ULK4: variants seen among roughly 807,000 people sequenced by gnomAD.
The protein encoded by ULK4 is unc-51 like kinase 4.
A neutral mutation model predicts 160.6 loss-of-function variants in ULK4; 133 were observed. The ratio of observed to expected loss-of-function variants is 0.83; its 90% CI spans 0.72 to 0.96. The LOEUF is 0.96. ULK4 is among the 40% of genes least tolerant of loss of function. The pLI is 0.00. For synonymous variants in ULK4, 534 were observed against 539.8 expected, an observed-to-expected ratio of 0.99 and a Z score of 0.15; for missense variants, 1,580 against 1,499.5, an observed-to-expected ratio of 1.05 and a Z score of -0.89.
At chr3:41,668,445 C>T (rs1240353576) in intron 29 of ULK4, among the ~76,000 whole-genome samples, 2 of 151,996 alleles carry the variant, frequency 1.3e-5, no homozygotes, top group Non-Finnish European at 2.9e-5. Context: ...AAAATCTTAC[C>T]ATTGTGTTAC....
intron 25 of ULK4, among the ~76,000 whole-genome samples, chr3:41,707,632 G>C (rs1043332060): frequency 3.3e-5 from 5 of 152,044 alleles, no homozygotes; most frequent in African/African-American, 1.2e-4. Context: ...AGGAGTTTGA[G>C]ACCAGCTTGG....
intron 30 of ULK4, among the ~76,000 whole-genome samples, chr3:41,625,808 G>A (rs2033479136): frequency 6.6e-6 from 1 of 152,166 alleles, no homozygotes; most frequent in Admixed American, 6.5e-5. Flanking sequence ...GAAGTGAAGA[G>A]ATTTACCTAA....
chr3:41,818,473 C>A (rs2041040125), intron 19 of ULK4, among the ~76,000 whole-genome samples: 1 of 152,162 alleles, frequency 6.6e-6, no homozygotes, highest in African/African-American at 2.4e-5. Context: ...GAATGTTAAA[C>A]CCAAACACGT....
At chr3:41,499,101 T>C (rs555513896) in intron 32 of ULK4, among the ~76,000 whole-genome samples, 13 of 152,334 alleles carry the variant, frequency 8.5e-5, no homozygotes, top group African/African-American at 2.9e-4. Flanking sequence ...ATTCCACTTA[T>C]ATGAAATGTC....
At chr3:41,438,614 T>G (rs2125854031) in intron 34 of ULK4, among the ~76,000 whole-genome samples, 1 of 152,138 alleles carries the variant, frequency 6.6e-6, no homozygotes, top group Non-Finnish European at 1.5e-5. Context: ...ACCAGCAGTT[T>G]GAGACCAGCC....
At chr3:41,898,823 G>A (rs1698254883) in intron 13 of ULK4, among the ~76,000 whole-genome samples, 1 of 152,188 alleles carries the variant, frequency 6.6e-6, no homozygotes, top group South Asian at 2.1e-4. Context: ...CCAAGGTAAG[G>A]CTCTATGCCA....
At chr3:41,798,673 A>G (rs1040455948) in intron 20 of ULK4, among the ~76,000 whole-genome samples, 3 of 152,104 alleles carry the variant, frequency 2.0e-5, no homozygotes, top group Non-Finnish European at 4.4e-5. Context: ...GAAAAGAGCA[A>G]CAGTTATGTG....
chr3:41,262,581 C>T (rs2078965469), intron 35 of ULK4, among the ~76,000 whole-genome samples: 1 of 152,186 alleles, frequency 6.6e-6, no homozygotes, highest in Non-Finnish European at 1.5e-5. Context: ...AAACTCCTCT[C>T]TGTACCTGTG....
intron 34 of ULK4, among the ~76,000 whole-genome samples, chr3:41,417,596 A>T (rs1339576149): frequency 2.0e-5 from 3 of 152,104 alleles, no homozygotes; most frequent in Non-Finnish European, 4.4e-5. Context: ...AGAGAGGCTG[A>T]CTCTGCAAAC....
chr3:41,256,648 G>A (rs1228822433), intron 35 of ULK4, among the ~76,000 whole-genome samples: 15 of 152,108 alleles, frequency 9.9e-5, no homozygotes, highest in Non-Finnish European at 1.2e-4. Flanking sequence ...AAGAAAATAT[G>A]GAAGAAATTC....
chr3:41,898,366 A>G, intron 14 of ULK4, 66 bp downstream of exon 14: 1 of 1,016,068 alleles, frequency 9.8e-7, no homozygotes, highest in Non-Finnish European at 1.5e-6. Context: ...CTATTTGCAA[A>G]TAAATTTCAT....
At chr3:41,731,649 C>A (rs1412343609) in intron 22 of ULK4, among the ~76,000 whole-genome samples, 5 of 146,606 alleles carry the variant, frequency 3.4e-5, no homozygotes, top group African/African-American at 1.3e-4. Flanking sequence ...TTTTTAAAAA[C>A]CCCAAAGAGC....
In ULK4 at chr3:41,941,253, G is replaced by T. The variant is rs149814827; in HGVS notation, c.139-3056C>A. On this transcript the variant is annotated intron_variant, in intron 2 of 36. Coordinates refer to ENST00000301831, the MANE Select transcript of ULK4 (RefSeq NM_017886.4). ...AGGTCTCACTTTGTTGCCCAAGTTG[G>T]TCTTGAACTCCTGGGTTCAAACGAT... Among the ~76,000 whole-genome samples, 1,096 of 141,646 alleles carry T rather than the reference G, an allele frequency of 7.7e-3. 14 individuals are homozygous for T. The highest frequency in any genetic ancestry group is 0.027 in the African/African-American group (1,055 of 38,916). 92.9% of individuals were successfully genotyped at this position (141,646 alleles called of 152,430 possible).
intron 34 of ULK4, among the ~76,000 whole-genome samples, chr3:41,419,970 C>T (rs2082623468): frequency 6.6e-6 from 1 of 151,888 alleles, no homozygotes; most frequent in Non-Finnish European, 1.5e-5. Flanking sequence ...TTCCATATGC[C>T]TCCTGTCTCC....
chr3:41,684,880 G>C (rs1297247833), intron 27 of ULK4, among the ~76,000 whole-genome samples: 1 of 152,178 alleles, frequency 6.6e-6, no homozygotes, highest in Non-Finnish European at 1.5e-5. Context: ...TTAAAAGAAG[G>C]ATGCATAAGA....
intron 31 of ULK4, among the ~76,000 whole-genome samples, chr3:41,574,032 A>C (rs2088093960): frequency 6.6e-6 from 1 of 152,060 alleles, no homozygotes; most frequent in African/African-American, 2.4e-5. Context: ...ATAACACAAA[A>C]TTAGCCAGGA....
chr3:41,401,287 C>A (rs941167726), intron 34 of ULK4, among the ~76,000 whole-genome samples: 12 of 152,006 alleles, frequency 7.9e-5, no homozygotes, highest in African/African-American at 2.9e-4. Flanking sequence ...CTTTAATCCA[C>A]TTAATTTTGG....
intron 22 of ULK4, among the ~76,000 whole-genome samples, chr3:41,739,947 C>T (rs1488390358): frequency 6.6e-6 from 1 of 151,800 alleles, no homozygotes; most frequent in Non-Finnish European, 1.5e-5. Context: ...ATATATGATG[C>T]AAAATTTTAC....
chr3:41,756,668 G>GA (rs2038814386), intron 21 of ULK4, among the ~76,000 whole-genome samples: 1 of 152,122 alleles, frequency 6.6e-6, no homozygotes, highest in Non-Finnish European at 1.5e-5. Flanking sequence ...AAACTCAGGA[G>GA]AAAAAACTGA....
Sources: gnomAD v4.1 joint callset for allele counts (sites outside exome capture counted in the v4.1 genomes callset) on GRCh38, gnomAD v4.1.1 for gene constraint, MANE v1.5 for transcripts, NCBI Gene and HGNC (gene_info 2026-07-23, HGNC 2026-07-21) for gene names.